Variants in ZNF821 observed in about 807,000 individuals in gnomAD.
The protein encoded by ZNF821 is zinc finger protein 821.
Under a neutral mutation model 44.3 loss-of-function variants are expected in ZNF821, and 16 were observed. The observed-to-expected ratio is 0.36, with a 90% CI of 0.24 to 0.55. The LOEUF is 0.55. Among genes scored for constraint, ZNF821 ranks in the 20% least tolerant of loss-of-function variants. The pLI is 0.86. For synonymous variants in ZNF821, 204 were observed against 197.6 expected (o/e 1.03, Z -0.27); for missense variants, 436 against 547.6 (o/e 0.80, Z 2.03).
chr16:71,880,050 A>T (rs2036263741), intron 2 of ZNF821, 27 bp from the exon 3 acceptor site: 1 of 1,106,164 alleles, frequency 9.0e-7, no homozygotes. Context: ...TATTGTTAGC[A>T]CATGTCATTT....
At chr16:71,866,847 G>T (rs535659983) in intron 4 of ZNF821, among the ~76,000 whole-genome samples, 2 of 152,296 alleles carry the variant, frequency 1.3e-5, no homozygotes, top group Admixed American at 1.3e-4. Context: ...CAAGTTCCTA[G>T]AAGGTTGCAG....
intron 3 of ZNF821, among the ~76,000 whole-genome samples, chr16:71,875,868 G>A (rs997847893): frequency 6.6e-6 from 1 of 152,180 alleles, no homozygotes; most frequent in Non-Finnish European, 1.5e-5. Flanking sequence ...CAAAGTGCTG[G>A]GATTACAAGC....
At chr16:71,865,094 C>T in intron 4 of ZNF821, 46 bp from the exon 5 acceptor site, 1 of 1,611,832 alleles carries the variant, frequency 6.2e-7, no homozygotes, top group South Asian at 1.1e-5. Flanking sequence ...TGCATGAATA[C>T]ATCCTGAGCT....
chr16:71,894,227 G>C (rs571686175), intron 1 of ZNF821: 3 of 152,202 alleles, frequency 2.0e-5, no homozygotes, highest in African/African-American at 7.2e-5. Flanking sequence ...CCACAGCAGG[G>C]AGCAGATGAC....
At chr16:71,880,071 T>C in intron 2 of ZNF821, 48 bp from the exon 3 acceptor site, 1 of 843,440 alleles carries the variant, frequency 1.2e-6, no homozygotes, top group Non-Finnish European at 1.8e-6. Flanking sequence ...TCCCCAGCAG[T>C]TACACAAAAT....
intron 5 of ZNF821, chr16:71,864,650 C>A: frequency 2.1e-6 from 1 of 482,374 alleles, no homozygotes. Context: ...TCTCTCATGT[C>A]TGGAAAGACG....
Position 71,895,170 on chromosome 16 carries a change from G to C in ZNF821, n.167C>G, listed in dbSNP as rs1282555796. The stretch of plus-strand genomic sequence containing the variant: ...CTCCCGGCGTCAGAGAGGCGGTACT[G>C]GCAGCCGGTTATGGAAGAATCCGGA... On this transcript the variant is annotated non_coding_transcript_exon_variant, in exon 1 of 3. Transcript: ENST00000561700. 6 of 245,154 alleles carry C rather than the reference G, an allele frequency of 2.4e-5. No homozygotes were observed. The East Asian group carries it at 6.5e-4, about 27-fold the overall frequency. 15.2% of individuals were successfully genotyped at this position (245,154 alleles called of 1,614,324 possible).
In ZNF821 at chr16:71,864,260, G is replaced by A; in HGVS notation, c.313-18C>T. 1.2e-6 allele frequency: 2 copies of A among 1,609,152 alleles called. No homozygotes were observed. The highest frequency in any genetic ancestry group is 1.7e-6 in the Non-Finnish European group (2 of 1,175,408). On this transcript the variant is annotated intron_variant, in intron 5 of 7. Coordinates refer to ENST00000425432, the MANE Select transcript of ZNF821 (RefSeq NM_001201552.2). Reference sequence around the variant, plus strand: ...CCTGTGACCTGTGATTCAACAAATAGGCAACTCATTAGGACTCTTTACTCA... The same window carrying A: ...CCTGTGACCTGTGATTCAACAAATAAGCAACTCATTAGGACTCTTTACTCA...
chr16:71,882,777 C>A (rs1378502998), intron 2 of ZNF821, among the ~76,000 whole-genome samples: 1 of 152,122 alleles, frequency 6.6e-6, no homozygotes, highest in Non-Finnish European at 1.5e-5. Context: ...GCTGAAAGGA[C>A]ACTCTTGACC....
intron 4 of ZNF821, among the ~76,000 whole-genome samples, chr16:71,866,310 C>CA (rs1471814531): frequency 6.6e-6 from 1 of 152,338 alleles, no homozygotes; most frequent in East Asian, 1.9e-4. Context: ...TCCCTTTCTT[C>CA]ATGAGAAGGT....
intron 2 of ZNF821, among the ~76,000 whole-genome samples, chr16:71,880,627 A>G (rs1009832230): frequency 4.6e-5 from 7 of 152,220 alleles, no homozygotes; most frequent in Admixed American, 1.3e-4. Context: ...TGTGAATGAC[A>G]TGGCACTAAG....
rs529540816 is a variant in ZNF821, at chr16:71,883,328, C to T, written c.-140-55G>A. On this transcript the variant is annotated intron_variant, in intron 1 of 7. Coordinates refer to ENST00000425432, the MANE Select transcript of ZNF821 (RefSeq NM_001201552.2). ...GTCACTTAGCCGCCTGGCTGTTCAC[C>T]TGACCCCTGGGGTTGGGTCTGGGGC... 1.2e-5 allele frequency: 5 copies of T among 411,580 alleles called. No individual in the cohort carries two copies. The East Asian group carries it at 3.5e-4, about 29-fold the overall frequency. 25.5% of individuals were successfully genotyped at this position (411,580 alleles called of 1,614,324 possible).
At chr16:71,884,354 C>A (rs2036751158), upstream of ZNF821, 3 of 152,354 alleles carry the variant, frequency 2.0e-5, no homozygotes, top group South Asian at 6.2e-4. Context: ...CCGAGAGGGG[C>A]TCGCCCGCGT....
chr16:71,878,299 G>A (rs111647356), intron 3 of ZNF821, among the ~76,000 whole-genome samples: 1,859 of 151,552 alleles, frequency 0.012, 17 homozygotes, highest in Non-Finnish European at 0.018. Flanking sequence ...ATTTTTAGTG[G>A]AGATGAGTTT....
intron 5 of ZNF821, 42 bp from the exon 6 acceptor site, chr16:71,864,284 C>A (rs1414419770): frequency 6.5e-7 from 1 of 1,548,470 alleles, no homozygotes; most frequent in Non-Finnish European, 8.9e-7. Context: ...ACTCTTTACT[C>A]ATCTCTTCCC....
intron 2 of ZNF821, chr16:71,881,533 G>A (rs1010871769): frequency 6.6e-6 from 1 of 152,210 alleles, no homozygotes; most frequent in Admixed American, 6.5e-5. Flanking sequence ...GATAGTGTAT[G>A]TTCTCTAAGT....
chr16:71,875,119 C>G (rs1379067062), intron 3 of ZNF821, among the ~76,000 whole-genome samples: 1 of 152,094 alleles, frequency 6.6e-6, no homozygotes, highest in African/African-American at 2.4e-5. Flanking sequence ...CTCACAGCCC[C>G]GCAGTAAAGG....
rs372505889 is a variant in ZNF821, at chr16:71,868,699, C to T, written c.41-662G>A. 1.2e-4 allele frequency among the ~76,000 whole-genome samples: 18 copies of T among 151,822 alleles called. No homozygotes were observed. In the East Asian group the frequency reaches 2.9e-3, roughly 24 times the overall value. ...GCAGAAGAACAAACTTCCTGAAACACACTGCTAATTTACAACAAATAATAT... is the reference window on the plus strand; with the variant it reads ...GCAGAAGAACAAACTTCCTGAAACATACTGCTAATTTACAACAAATAATAT... On this transcript the variant is annotated intron_variant, in intron 3 of 7. Coordinates refer to ENST00000425432, the MANE Select transcript of ZNF821 (RefSeq NM_001201552.2).
chr16:71,892,434 T>A (rs181642554), intron 1 of ZNF821, among the ~76,000 whole-genome samples: 7,007 of 148,796 alleles, frequency 0.047, 522 homozygotes, highest in African/African-American at 0.16. Context: ...GCCCGGCTAA[T>A]TTTTTTTGTA....
Sources: gnomAD v4.1 joint callset for allele counts (sites outside exome capture counted in the v4.1 genomes callset) on GRCh38, gnomAD v4.1.1 for gene constraint, MANE v1.5 for transcripts, NCBI Gene and HGNC (gene_info 2026-07-23, HGNC 2026-07-21) for gene names.